BTBD7: variants seen among roughly 807,000 people sequenced by gnomAD.
BTBD7 encodes BTB domain containing 7, also known as BTB/POZ domain-containing protein 7.
In BTBD7, 38 loss-of-function variants were observed where a neutral mutation model predicts 99.9. The ratio of observed to expected loss-of-function variants is 0.38; its 90% CI spans 0.29 to 0.50. The LOEUF (loss-of-function observed/expected upper bound fraction) is 0.50, where lower values mean the gene tolerates loss of function less well. Among genes scored for constraint, BTBD7 ranks in the 20% least tolerant of loss-of-function variants. The pLI, the probability that BTBD7 is intolerant of heterozygous loss-of-function variation, is 0.93. For missense variants in BTBD7, 1,170 were observed against 1,394.6 expected (o/e 0.84, Z 2.57); for synonymous variants, 520 against 511.4 (o/e 1.02, Z -0.23).
At chr14:93,259,060 G>C (rs190992041) in intron 5 of BTBD7, among the ~76,000 whole-genome samples, 23 of 152,308 alleles carry the variant, frequency 1.5e-4, no homozygotes, top group African/African-American at 5.3e-4. Flanking sequence ...TAGTTATAAA[G>C]TCAACACAAA....
chr14:93,326,305 A>G (rs984861453), intron 1 of BTBD7, among the ~76,000 whole-genome samples: 1 of 152,124 alleles, frequency 6.6e-6, no homozygotes, highest in Non-Finnish European at 1.5e-5. Context: ...CATCTCCAGA[A>G]AAAGTACAAA....
chr14:93,267,800 A>G (rs1348894427), intron 3 of BTBD7, among the ~76,000 whole-genome samples: 2 of 152,122 alleles, frequency 1.3e-5, no homozygotes, highest in Non-Finnish European at 2.9e-5. Context: ...CAGAATCTCC[A>G]TTGAATTTTT....
At chr14:93,282,261 A>C (rs1256873220) in intron 3 of BTBD7, among the ~76,000 whole-genome samples, 1 of 152,166 alleles carries the variant, frequency 6.6e-6, no homozygotes, top group Non-Finnish European at 1.5e-5. Flanking sequence ...TCTACAACTA[A>C]AAGTAAACAG....
In BTBD7 at chr14:93,319,068, G is replaced by C. The variant is rs117381326; in HGVS notation, c.-107+13752C>G. On this transcript the variant is annotated intron_variant, in intron 1 of 10. Transcript: ENST00000334746. ...AAAAAAACAGAAAAATTCGCCAAGTGTGATAGTGTGTGCCTGCAGTCTCAG... is the reference window on the plus strand; with the variant it reads ...AAAAAAACAGAAAAATTCGCCAAGTCTGATAGTGTGTGCCTGCAGTCTCAG... Among the ~76,000 whole-genome samples, 533 of 152,322 alleles carry C rather than the reference G, an allele frequency of 3.5e-3. 12 individuals are homozygous for C. The South Asian group carries it at 0.052, about 15-fold the overall frequency.
intron 1 of BTBD7, among the ~76,000 whole-genome samples, chr14:93,299,145 C>G (rs2052963690): frequency 6.6e-6 from 1 of 152,116 alleles, no homozygotes; most frequent in South Asian, 2.1e-4. Context: ...TGAGATGTAA[C>G]CCTTGAGTCT....
chr14:93,320,951 A>G (rs1302185020), intron 1 of BTBD7, among the ~76,000 whole-genome samples: 2 of 152,234 alleles, frequency 1.3e-5, no homozygotes, highest in East Asian at 3.8e-4. Flanking sequence ...TTAACAGTTC[A>G]CAGAGGGATA....
intron 1 of BTBD7, among the ~76,000 whole-genome samples, chr14:93,321,649 A>G (rs1217662686): frequency 6.6e-6 from 1 of 152,214 alleles, no homozygotes; most frequent in African/African-American, 2.4e-5. Flanking sequence ...ACTGTTGAAC[A>G]GGCAATTACA....
At chr14:93,317,778 T>C (rs1325319298) in intron 1 of BTBD7, among the ~76,000 whole-genome samples, 2 of 152,208 alleles carry the variant, frequency 1.3e-5, no homozygotes, top group Non-Finnish European at 2.9e-5. Context: ...ATGCCTAAAC[T>C]GTTTGTGCAA....
At chr14:93,318,747 T>C (rs562048746) in intron 1 of BTBD7, among the ~76,000 whole-genome samples, 53 of 152,340 alleles carry the variant, frequency 3.5e-4, no homozygotes, top group African/African-American at 1.3e-3. Context: ...TCCTATATGC[T>C]ACCAGAAAGT....
At chr14:93,309,602 G>A (rs1377614696) in intron 1 of BTBD7, among the ~76,000 whole-genome samples, 1 of 151,876 alleles carries the variant, frequency 6.6e-6, no homozygotes, top group Non-Finnish European at 1.5e-5. Flanking sequence ...TGTGTCCACT[G>A]TGCTGCTGTT....
At chr14:93,247,499 C>T (rs376373752) in intron 9 of BTBD7, among the ~76,000 whole-genome samples, 2 of 152,200 alleles carry the variant, frequency 1.3e-5, no homozygotes, top group South Asian at 2.1e-4. Flanking sequence ...GCCCACGCCA[C>T]CACACCTGGC....
intron 3 of BTBD7, among the ~76,000 whole-genome samples, chr14:93,281,084 T>C (rs12434780): frequency 0.017 from 2,546 of 152,156 alleles, 77 homozygotes; most frequent in African/African-American, 0.059. Context: ...CTCACTGCAA[T>C]CTGCGCTTCT....
At position 93,253,785 on chromosome 14, in the gene BTBD7, T is replaced by C; in HGVS notation, c.1614A>G (p.Lys538=). The change falls in exon 7 of 11, where the codon AAA becomes AAG. Residue 538 remains lysine, a synonymous_variant. Coordinates refer to ENST00000334746, the MANE Select transcript of BTBD7 (RefSeq NM_001002860.4). ...INSEVLSDAM[K]RGLISTPPSD... is the part of the protein sequence containing the mutation. ...ATGGAGGAGTACTAATCAAGCCTCT[T>C]TTCATCTAAAAAAAAATTTTTTTTT... The C allele has an allele frequency of 6.4e-7, 1 of 1,567,318 alleles. No individual in the cohort carries two copies. Among genetic ancestry groups the C allele is most frequent in the Non-Finnish European group, 8.7e-7 (1 of 1,154,668 alleles).
intron 8 of BTBD7, 25 bp from the exon 9 acceptor site, chr14:93,248,679 A>G: frequency 1.3e-6 from 2 of 1,565,558 alleles, no homozygotes; most frequent in Non-Finnish European, 1.7e-6. Context: ...ACAGTGGGCA[A>G]GCAAAATTCC....
intron 5 of BTBD7, among the ~76,000 whole-genome samples, chr14:93,258,307 GAA>G (rs2052452789): frequency 6.6e-6 from 1 of 152,064 alleles, no homozygotes; most frequent in South Asian, 2.1e-4. Flanking sequence ...TAACTGTGTA[GAA>G]AAGAGTCATT....
At chr14:93,295,833 T>A in intron 2 of BTBD7, 137 bp downstream of exon 2, 1 of 756,806 alleles carries the variant, frequency 1.3e-6, no homozygotes, top group Non-Finnish European at 2.1e-6. Flanking sequence ...TTTACGTTTG[T>A]TGGGGGAAAA....
intron 1 of BTBD7, among the ~76,000 whole-genome samples, chr14:93,328,710 G>A (rs2053362547): frequency 6.7e-6 from 1 of 149,170 alleles, no homozygotes; most frequent in Non-Finnish European, 1.5e-5. Flanking sequence ...GAGTCCAAAA[G>A]TTCGAGACCA....
intron 5 of BTBD7, 98 bp downstream of exon 5, chr14:93,261,504 G>C (rs1032465665): frequency 2.9e-5 from 27 of 924,658 alleles, no homozygotes; most frequent in Non-Finnish European, 4.5e-5. Context: ...CCAGGCAACA[G>C]TGTCAATTTT....
In BTBD7 at chr14:93,253,895, C is replaced by A. The variant is rs553610882; in HGVS notation, c.1609-105G>T. On this transcript the variant is annotated intron_variant, in intron 6 of 10. Coordinates refer to ENST00000334746, the MANE Select transcript of BTBD7 (RefSeq NM_001002860.4). ...ATAAATAAAAATATGCAAACTTTAT[C>A]ATTTAAATAAAAATTTAGAAATGTA... The A allele has an allele frequency of 1.8e-5, 10 of 544,400 alleles. No individual in the cohort carries two copies. The East Asian group carries it at 3.7e-4, about 20-fold the overall frequency. 33.7% of individuals were successfully genotyped at this position (544,400 alleles called of 1,614,324 possible). A position where few individuals can be genotyped will look rare whatever the true frequency, so the allele number is the denominator to read the frequency against.
Sources: gnomAD v4.1 joint callset for allele counts (sites outside exome capture counted in the v4.1 genomes callset) on GRCh38, gnomAD v4.1.1 for gene constraint, MANE v1.5 for transcripts, NCBI Gene and HGNC (gene_info 2026-07-23, HGNC 2026-07-21) for gene names.